Variants in PCDHA8 observed in about 807,000 individuals in gnomAD.
PCDHA8 encodes protocadherin alpha-8.
A neutral mutation model predicts 61.8 loss-of-function variants in PCDHA8; 53 were observed. The observed-to-expected ratio is 0.86, with a 90% CI of 0.69 to 1.08. PCDHA8 has a LOEUF of 1.08. PCDHA8 is among the 50% of genes least tolerant of loss of function. PCDHA8 has a pLI of 0.00. For missense variants in PCDHA8, 1,293 were observed against 1,245.0 expected, an observed-to-expected ratio of 1.04 and a Z score of -0.58; for synonymous variants, 618 against 556.6, an observed-to-expected ratio of 1.11 and a Z score of -1.55.
intron 3 of PCDHA8, among the ~76,000 whole-genome samples, chr5:140,993,386 A>C (rs1435793353): frequency 6.6e-6 from 1 of 151,354 alleles, no homozygotes; most frequent in Non-Finnish European, 1.5e-5. Flanking sequence ...GGGTCCCTGA[A>C]ACTCCATCAT....
At position 140,877,303 on chromosome 5, in the gene PCDHA8, T is replaced by C. The variant is rs566187421; in HGVS notation, c.2394+33588T>C. 3.5e-4 allele frequency: 564 copies of C among 1,613,850 alleles called. 6 individuals are homozygous for C. In the South Asian group the frequency reaches 5.9e-3, roughly 17 times the overall value. On this transcript the variant is annotated intron_variant, in intron 1 of 3. Transcript: ENST00000531613. ...CTATAACGCTTGGCTGTCCTACGAGTTGCAACCGGCGGCGGTCGGCGCGCA... is the reference window on the plus strand; with the variant it reads ...CTATAACGCTTGGCTGTCCTACGAGCTGCAACCGGCGGCGGTCGGCGCGCA...
At chr5:140,975,304 G>A (rs1395392874) in intron 1 of PCDHA8, among the ~76,000 whole-genome samples, 2 of 152,200 alleles carry the variant, frequency 1.3e-5, no homozygotes, top group African/African-American at 2.4e-5. Context: ...AAGAGCTCAT[G>A]TGATTATGTC....
intron 1 of PCDHA8, chr5:140,864,182 TA>T: frequency 6.6e-6 from 1 of 152,352 alleles, no homozygotes; most frequent in East Asian, 1.9e-4. Context: ...TCATGATGAA[TA>T]ATGATCCTTA....
intron 1 of PCDHA8, among the ~76,000 whole-genome samples, chr5:140,898,226 G>T (rs2066602879): frequency 6.6e-6 from 1 of 152,262 alleles, no homozygotes; most frequent in African/African-American, 2.4e-5. Flanking sequence ...GGCTTTTGTT[G>T]CCATTGCTTT....
At chr5:140,869,151 C>T in intron 1 of PCDHA8, 1 of 1,613,806 alleles carries the variant, frequency 6.2e-7, no homozygotes, top group South Asian at 1.1e-5. Context: ...GACTACAGCT[C>T]TGGCTTCTCC....
At chr5:140,999,400 A>G (rs1331954466) in intron 3 of PCDHA8, among the ~76,000 whole-genome samples, 2 of 152,150 alleles carry the variant, frequency 1.3e-5, no homozygotes, top group Admixed American at 6.5e-5. Flanking sequence ...TGTTTTGCAT[A>G]TGAAAGAATG....
intron 1 of PCDHA8, chr5:140,860,741 A>G (rs1051390184): frequency 2.0e-5 from 3 of 152,018 alleles, no homozygotes; most frequent in Non-Finnish European, 2.9e-5. Context: ...TTTGTTTTTT[A>G]TTTTTTATTT....
chr5:140,956,060 G>A (rs1021406649), intron 1 of PCDHA8, among the ~76,000 whole-genome samples: 12 of 152,074 alleles, frequency 7.9e-5, no homozygotes, highest in African/African-American at 2.9e-4. Context: ...GAGACAATGG[G>A]GTTTTCCAGA....
At chr5:140,855,286 A>G (rs1387384974) in intron 1 of PCDHA8, among the ~76,000 whole-genome samples, 2 of 149,848 alleles carry the variant, frequency 1.3e-5, no homozygotes, top group Non-Finnish European at 3.0e-5. Flanking sequence ...CCGTATTACT[A>G]TTAGGCCAAA....
chr5:140,919,529 TC>T (rs2079177812), intron 1 of PCDHA8, among the ~76,000 whole-genome samples: 1 of 152,196 alleles, frequency 6.6e-6, no homozygotes. Context: ...TCTCTTTTTT[TC>T]CTATACTTTT....
At chr5:140,978,420 G>A (rs1489182751) in intron 1 of PCDHA8, among the ~76,000 whole-genome samples, 3 of 152,220 alleles carry the variant, frequency 2.0e-5, no homozygotes, top group African/African-American at 7.2e-5. Flanking sequence ...AAAAGAGACT[G>A]TTATCAGTTG....
Position 141,011,543 on chromosome 5 carries a change from G to T in PCDHA8, c.*1606G>T, listed in dbSNP as rs1478395558. The stretch of plus-strand genomic sequence containing the variant: ...TTTTAACCATTGTTAATCAGCTTTT[G>T]TGTATGAAAGACACAGTAAAATTTC... On this transcript the variant is annotated 3_prime_UTR_variant, in exon 4 of 4. Coordinates refer to ENST00000531613, the MANE Select transcript of PCDHA8 (RefSeq NM_018911.3). 1.3e-5 allele frequency: 2 copies of T among 153,468 alleles called. No individual in the cohort carries two copies. Among genetic ancestry groups the T allele is most frequent in the African/African-American group, 4.8e-5 (2 of 41,376 alleles). The allele number at this position is 153,468 out of a possible 1,614,324, so 9.5% of individuals were successfully genotyped here. A position where few individuals can be genotyped will look rare whatever the true frequency, so the allele number is the denominator to read the frequency against.
intron 1 of PCDHA8, chr5:140,968,403 T>C (rs1554230673): frequency 6.2e-7 from 1 of 1,613,984 alleles, no homozygotes; most frequent in Non-Finnish European, 8.5e-7. Context: ...CGGGAGTTCT[T>C]TGTGACTGTG....
intron 1 of PCDHA8, chr5:140,858,539 T>G: frequency 7.1e-7 from 1 of 1,399,640 alleles, no homozygotes; most frequent in Admixed American, 2.0e-5. Context: ...TTTGTCTACA[T>G]TCCATTTATG....
chr5:140,928,821 C>T, intron 1 of PCDHA8: 2 of 1,614,142 alleles, frequency 1.2e-6, no homozygotes, highest in Non-Finnish European at 1.7e-6. Context: ...ACCATGGAGA[C>T]CCACCACTTT....
At chr5:140,907,416 T>C (rs1209334366) in intron 1 of PCDHA8, among the ~76,000 whole-genome samples, 1 of 152,206 alleles carries the variant, frequency 6.6e-6, no homozygotes, top group East Asian at 1.9e-4. Flanking sequence ...ACCACGATGG[T>C]GGATAAGGCA....
intron 3 of PCDHA8, among the ~76,000 whole-genome samples, chr5:141,005,308 T>TA (rs2098205734): frequency 6.6e-6 from 1 of 152,214 alleles, no homozygotes; most frequent in Non-Finnish European, 1.5e-5. Context: ...TTGTGAATCT[T>TA]ACAGTGGTAG....
chr5:140,891,956 G>T (rs528674370), intron 1 of PCDHA8, among the ~76,000 whole-genome samples: 1 of 152,344 alleles, frequency 6.6e-6, no homozygotes, highest in South Asian at 2.1e-4. Flanking sequence ...CCAGAATTGT[G>T]AGAAGTAAAT....
chr5:140,887,972 A>C (rs1169769147), intron 1 of PCDHA8, among the ~76,000 whole-genome samples: 1 of 152,114 alleles, frequency 6.6e-6, no homozygotes, highest in Non-Finnish European at 1.5e-5. Context: ...TCTCTTTTAA[A>C]ATTTATTTTA....
Sources: gnomAD v4.1 joint callset for allele counts (sites outside exome capture counted in the v4.1 genomes callset) on GRCh38, gnomAD v4.1.1 for gene constraint, MANE v1.5 for transcripts, NCBI Gene and HGNC (gene_info 2026-07-23, HGNC 2026-07-21) for gene names.